Variants in KCNU1 observed in about 807,000 individuals in gnomAD.
KCNU1 encodes potassium calcium-activated channel subfamily U member 1.
KCNU1 carries 93 observed loss-of-function variants against 126.8 expected under a neutral mutation model. That is an observed-to-expected ratio of 0.73 (90% confidence interval 0.62 to 0.87). The LOEUF is 0.87. Among genes scored for constraint, KCNU1 ranks in the 40% least tolerant of loss-of-function variants. The pLI is 0.00. For missense variants in KCNU1, 1,330 were observed against 1,367.1 expected (o/e 0.97, Z 0.43); for synonymous variants, 523 against 494.2 (o/e 1.06, Z -0.77).
At chr8:36,890,371 A>T (rs1008682658) in intron 19 of KCNU1, among the ~76,000 whole-genome samples, 3 of 152,102 alleles carry the variant, frequency 2.0e-5, no homozygotes, top group Non-Finnish European at 4.4e-5. Context: ...AGAGATGGAA[A>T]GGATGAGTTG....
rs574390270 is a variant in KCNU1 at position 36,901,723 on chromosome 8, G to T, written c.2010-3985G>T. On this transcript the variant is annotated intron_variant, in intron 19 of 26. Transcript: ENST00000399881. ...ATGCTCCCAGACAGAAATACAACAC[G>T]CTGTTGCTTGGGCAGTAAGAAGCAA... Among the ~76,000 whole-genome samples, 84 of 152,138 alleles carry T rather than the reference G, an allele frequency of 5.5e-4. 3 individuals are homozygous for T. The South Asian group carries it at 0.015, about 28-fold the overall frequency.
At chr8:36,866,975 G>A (rs557925928) in intron 19 of KCNU1, among the ~76,000 whole-genome samples, 29 of 152,128 alleles carry the variant, frequency 1.9e-4, no homozygotes, top group African/African-American at 4.6e-4. Context: ...AAAATATCAC[G>A]TGTATCCCAT....
At chr8:36,905,459 G>GC (rs1807585513) in intron 19 of KCNU1, among the ~76,000 whole-genome samples, 2 of 57,068 alleles carry the variant, frequency 3.5e-5, no homozygotes, top group African/African-American at 1.7e-4. Context: ...ATAATCTAAG[G>GC]CAAAAAAAAA....
At chr8:36,895,393 A>G (rs1427402640) in intron 19 of KCNU1, among the ~76,000 whole-genome samples, 2 of 152,002 alleles carry the variant, frequency 1.3e-5, no homozygotes, top group African/African-American at 4.8e-5. Flanking sequence ...GTGTTATTTT[A>G]AAAACCTGGA....
At chr8:36,830,596 T>C (rs1410998847) in intron 10 of KCNU1, among the ~76,000 whole-genome samples, 1 of 152,048 alleles carries the variant, frequency 6.6e-6, no homozygotes, top group Non-Finnish European at 1.5e-5. Context: ...AAAAATGAGA[T>C]TATGGGTTGC....
intron 19 of KCNU1, among the ~76,000 whole-genome samples, chr8:36,892,319 A>G (rs1806994719): frequency 6.6e-6 from 1 of 151,872 alleles, no homozygotes; most frequent in Non-Finnish European, 1.5e-5. Context: ...TTTTTCTTAT[A>G]ATCTATCTCC....
chr8:36,829,430 G>T (rs1334034825), intron 10 of KCNU1, among the ~76,000 whole-genome samples: 2 of 151,372 alleles, frequency 1.3e-5, no homozygotes, highest in East Asian at 1.9e-4. Flanking sequence ...AATTCATTTA[G>T]AATTTTTTGT....
intron 19 of KCNU1, among the ~76,000 whole-genome samples, chr8:36,902,564 CAA>C (rs1359738222): frequency 6.6e-6 from 1 of 152,096 alleles, no homozygotes; most frequent in African/African-American, 2.4e-5. Context: ...AAATTGTTCT[CAA>C]AGAGTCCCTG....
rs1409197170 is a variant in KCNU1, at chr8:36,935,966, C to A, written c.*46C>A. 14 of 1,466,748 alleles carry A rather than the reference C, an allele frequency of 9.5e-6. No individual in the cohort carries two copies. Among genetic ancestry groups the A allele is most frequent in the Non-Finnish European group, 1.3e-5 (14 of 1,091,442 alleles). 90.9% of individuals were successfully genotyped at this position (1,466,748 alleles called of 1,614,324 possible). ...TGCTCTTAACTTGCTGCTTACAAAT[C>A]ATCTCCTGAGATGCTAACTTTGAAC... is the stretch of plus-strand genomic sequence containing the variant. On this transcript the variant is annotated 3_prime_UTR_variant, in exon 27 of 27. Coordinates refer to ENST00000399881, the MANE Select transcript of KCNU1 (RefSeq NM_001031836.3).
At chr8:36,907,608 A>T (rs1273332241) in intron 20 of KCNU1, among the ~76,000 whole-genome samples, 1 of 152,220 alleles carries the variant, frequency 6.6e-6, no homozygotes. Flanking sequence ...GAAGGAGGGT[A>T]CAGTACAGTA....
Position 36,905,924 on chromosome 8 carries a change from AAG to A in KCNU1, c.2106+122_2106+123del, listed in dbSNP as rs1402720903. ...TTGTAAACTGTGAATTTGTCAAAAA[AAG>A]AAAAAAACCCACATCCCTCACCAGC... On this transcript the variant is annotated intron_variant, in intron 20 of 26. Coordinates refer to ENST00000399881, the MANE Select transcript of KCNU1 (RefSeq NM_001031836.3). The A allele has an allele frequency of 1.6e-5, 9 of 580,086 alleles. No individual in the cohort carries two copies. The Admixed American group carries it at 3.1e-4, about 20-fold the overall frequency. 35.9% of individuals were successfully genotyped at this position (580,086 alleles called of 1,614,324 possible).
At chr8:36,789,566 C>G (rs1802831056) in intron 2 of KCNU1, among the ~76,000 whole-genome samples, 1 of 152,148 alleles carries the variant, frequency 6.6e-6, no homozygotes, top group African/African-American at 2.4e-5. Context: ...GTGGAAAGTT[C>G]AAGCAAGAGA....
chr8:36,914,601 G>A (rs1453612917), intron 22 of KCNU1, among the ~76,000 whole-genome samples: 1 of 152,082 alleles, frequency 6.6e-6, no homozygotes, highest in Non-Finnish European at 1.5e-5. Flanking sequence ...GAGGCGGGGG[G>A]TTTTGGGGGA....
chr8:36,784,672 A>C (rs777530389), intron 1 of KCNU1, 67 bp downstream of exon 1: 73 of 1,212,126 alleles, frequency 6.0e-5, no homozygotes, highest in Non-Finnish European at 7.4e-5. Flanking sequence ...TTTTGTGTTT[A>C]GTAAAAGATC....
At chr8:36,884,976 A>G (rs1168478726) in intron 19 of KCNU1, among the ~76,000 whole-genome samples, 1 of 152,232 alleles carries the variant, frequency 6.6e-6, no homozygotes, top group Non-Finnish European at 1.5e-5. Context: ...CATCAGTGAA[A>G]CTGAGGTTAT....
rs752311308 is a variant in KCNU1 at position 36,864,401 on chromosome 8, C to T, written c.1892-3C>T. On this transcript the variant is annotated splice_region_variant and splice_polypyrimidine_tract_variant and intron_variant, in intron 18 of 26. Coordinates refer to ENST00000399881, the MANE Select transcript of KCNU1 (RefSeq NM_001031836.3). ...ACTCACTGAGATTTCTATCCTATTG[C>T]AGTGCCATCGGTAAAGAGAATGAAA... 6.5e-7 allele frequency: 1 copy of T among 1,530,078 alleles called. No individual in the cohort carries two copies. Among genetic ancestry groups the T allele is most frequent in the South Asian group, 1.1e-5 (1 of 89,354 alleles). 94.8% of individuals were successfully genotyped at this position (1,530,078 alleles called of 1,614,324 possible). A position where few individuals can be genotyped will look rare whatever the true frequency, so the allele number is the denominator to read the frequency against.
At chr8:36,814,129 C>G (rs1305038752) in intron 7 of KCNU1, 78 bp from the exon 8 acceptor site, 1 of 1,061,782 alleles carries the variant, frequency 9.4e-7, no homozygotes, top group Non-Finnish European at 1.4e-6. Context: ...TGCAATTAAT[C>G]TAATGTTTTG....
chr8:36,844,385 A>G (rs1805065619), intron 16 of KCNU1, among the ~76,000 whole-genome samples: 1 of 140,044 alleles, frequency 7.1e-6, no homozygotes, highest in Non-Finnish European at 1.6e-5. Flanking sequence ...CGTCTCAAAA[A>G]AAAACAAAAA....
rs1401359347 is a variant in KCNU1, at chr8:36,910,990, G to T, written c.2392G>T (p.Ala798Ser). The T allele has an allele frequency of 1.9e-6, 3 of 1,613,576 alleles. No homozygotes were observed. Among genetic ancestry groups the T allele is most frequent in the South Asian group, 1.1e-5 (1 of 91,044 alleles). The change falls in exon 22 of 27, where the codon GCT (alanine) becomes TCT (serine). Residue 798 changes from alanine to serine, a missense_variant. Ala to Ser is a moderately conservative substitution (Grantham distance 99). Coordinates refer to ENST00000399881, the MANE Select transcript of KCNU1 (RefSeq NM_001031836.3). ...AANIEQCSMC[A>S]VLSPPPQPSS... is the part of the protein sequence containing the mutation. ...CAACATAGAGCAATGCTCCATGTGT[G>T]CTGTCTTGTCCCCCCCACCCCAGCC... is the stretch of plus-strand genomic sequence containing the variant.
Sources: allele counts gnomAD v4.1 joint callset (sites outside exome capture counted in the v4.1 genomes callset), GRCh38; gene constraint gnomAD v4.1.1; transcripts MANE v1.5; gene names NCBI Gene and HGNC (gene_info 2026-07-23, HGNC 2026-07-21).